Variants in ANKS1A observed in about 807,000 individuals in gnomAD.
ANKS1A encodes the protein ankyrin repeat and sterile alpha motif domain containing 1A, also known as ankyrin repeat and SAM domain-containing protein 1A.
Under a neutral mutation model 120.3 loss-of-function variants are expected in ANKS1A, and 55 were observed. The ratio of observed to expected loss-of-function variants is 0.46; its 90% CI spans 0.37 to 0.57. ANKS1A has a LOEUF of 0.57. ANKS1A is among the 20% of genes least tolerant of loss of function. ANKS1A has a pLI of 0.00. For missense variants in ANKS1A, 1,123 were observed against 1,480.3 expected, an observed-to-expected ratio of 0.76 and a Z score of 3.96; for synonymous variants, 590 against 604.7, an observed-to-expected ratio of 0.98 and a Z score of 0.36.
Position 34,941,056 on chromosome 6 carries a change from T to C in ANKS1A, c.198-26183T>C, listed in dbSNP as rs531849582. ...CAGGCTGGAGTGCAGTGGTGCCATCTTGGCTCACTGCAACTCCACCTCCCG... is the reference window on the plus strand; with the variant it reads ...CAGGCTGGAGTGCAGTGGTGCCATCCTGGCTCACTGCAACTCCACCTCCCG... On this transcript the variant is annotated intron_variant, in intron 1 of 23. Transcript: ENST00000360359. Among the ~76,000 whole-genome samples the C allele has an allele frequency of 2.8e-4, 42 of 152,260 alleles. No homozygotes were observed. The East Asian group carries it at 7.9e-3, about 29-fold the overall frequency.
intron 1 of ANKS1A, among the ~76,000 whole-genome samples, chr6:34,923,678 T>C (rs1169310199): frequency 2.0e-5 from 3 of 152,196 alleles, no homozygotes; most frequent in Non-Finnish European, 2.9e-5. Flanking sequence ...AGCTATATCA[T>C]AGATATGATT....
intron 11 of ANKS1A, among the ~76,000 whole-genome samples, chr6:35,040,045 A>C: frequency 6.6e-6 from 1 of 152,144 alleles, no homozygotes; most frequent in East Asian, 1.9e-4. Context: ...ATTACCTCTC[A>C]AAGGCCCCAT....
intron 11 of ANKS1A, among the ~76,000 whole-genome samples, chr6:35,033,388 A>G (rs1774999243): frequency 6.6e-6 from 1 of 152,206 alleles, no homozygotes; most frequent in South Asian, 2.1e-4. Context: ...TAGAGCAGAG[A>G]GTTCACATCT....
chr6:35,043,859 T>G (rs1775593092), intron 11 of ANKS1A, among the ~76,000 whole-genome samples: 2 of 152,188 alleles, frequency 1.3e-5, no homozygotes, highest in Admixed American at 6.5e-5. Context: ...TTCTTAAAAG[T>G]AAAGCCAGAA....
At chr6:34,975,404 A>G (rs935315747) in intron 3 of ANKS1A, among the ~76,000 whole-genome samples, 2 of 151,498 alleles carry the variant, frequency 1.3e-5, no homozygotes, top group African/African-American at 4.9e-5. Context: ...CAGTGAGCTG[A>G]GATTGTGCCA....
intron 11 of ANKS1A, among the ~76,000 whole-genome samples, chr6:35,028,091 G>C (rs1774720394): frequency 6.6e-6 from 1 of 152,234 alleles, no homozygotes; most frequent in Non-Finnish European, 1.5e-5. Flanking sequence ...CAGGCAAGAA[G>C]CCATTGTAAA....
intron 11 of ANKS1A, among the ~76,000 whole-genome samples, chr6:35,030,546 T>C (rs1455839735): frequency 6.6e-5 from 10 of 152,218 alleles, no homozygotes; most frequent in Non-Finnish European, 1.0e-4. Flanking sequence ...CGTACTTGAC[T>C]GGTTTAAAAA....
chr6:34,940,209 C>T (rs903378607), intron 1 of ANKS1A, among the ~76,000 whole-genome samples: 23 of 152,156 alleles, frequency 1.5e-4, no homozygotes, highest in African/African-American at 4.3e-4. Flanking sequence ...CTGGTAAATT[C>T]GGAAGATAAA....
intron 11 of ANKS1A, among the ~76,000 whole-genome samples, chr6:35,030,454 AG>A (rs1428473747): frequency 6.6e-6 from 1 of 152,238 alleles, no homozygotes; most frequent in African/African-American, 2.4e-5. Context: ...GGAATTTGGA[AG>A]GAATCCTAGT....
At chr6:35,077,488 C>G (rs1777429378) in intron 13 of ANKS1A, among the ~76,000 whole-genome samples, 1 of 152,208 alleles carries the variant, frequency 6.6e-6, no homozygotes. Flanking sequence ...CAGGCACAGG[C>G]CTGTCTGTGC....
chr6:35,015,235 C>T (rs986180152), intron 10 of ANKS1A, among the ~76,000 whole-genome samples: 3 of 152,040 alleles, frequency 2.0e-5, no homozygotes, highest in South Asian at 4.1e-4. Context: ...CAGTGGCTCA[C>T]GCCTATAATC....
Position 35,090,635 on chromosome 6 carries a change from T to C in ANKS1A, c.*2026T>C, listed in dbSNP as rs1427891878. ...GAAAGGAAAATGACTGGGCCTTTCT[T>C]TCTTTTCTTCTCCTCTGGGATGGGT... On this transcript the variant is annotated 3_prime_UTR_variant, in exon 24 of 24. Transcript: ENST00000360359. The C allele has an allele frequency of 1.0e-6, 1 of 991,422 alleles. No homozygotes were observed. Among genetic ancestry groups the C allele is most frequent in the African/African-American group, 1.7e-5 (1 of 57,288 alleles). 61.4% of individuals were successfully genotyped at this position (991,422 alleles called of 1,614,324 possible). A position where few individuals can be genotyped will look rare whatever the true frequency, so the allele number is the denominator to read the frequency against.
intron 1 of ANKS1A, among the ~76,000 whole-genome samples, chr6:34,959,239 G>A (rs1364226742): frequency 6.6e-6 from 1 of 152,182 alleles, no homozygotes; most frequent in Non-Finnish European, 1.5e-5. Flanking sequence ...CAGTGTTCTT[G>A]TATGTCCCAT....
At chr6:34,975,782 C>T (rs1351364021) in intron 3 of ANKS1A, among the ~76,000 whole-genome samples, 3 of 151,708 alleles carry the variant, frequency 2.0e-5, no homozygotes, top group African/African-American at 7.3e-5. Flanking sequence ...ATAATAGAAA[C>T]AGAGAGGTAA....
At chr6:35,092,690 T>A (rs1247204875), downstream of ANKS1A, among the ~76,000 whole-genome samples, 1 of 152,238 alleles carries the variant, frequency 6.6e-6, no homozygotes, top group Non-Finnish European at 1.5e-5. Flanking sequence ...CCAGGACACA[T>A]AGCTGCTATC....
At chr6:34,897,185 T>C (rs966580595) in intron 1 of ANKS1A, among the ~76,000 whole-genome samples, 3 of 152,144 alleles carry the variant, frequency 2.0e-5, no homozygotes, top group Non-Finnish European at 4.4e-5. Flanking sequence ...TTTTACTTTC[T>C]TAGTTGCAAA....
In ANKS1A at chr6:35,057,838, C is replaced by T. The variant is rs1330526900; in HGVS notation, c.2078-2309C>T. Among the ~76,000 whole-genome samples, 1 of 152,202 alleles carries T rather than the reference C, an allele frequency of 6.6e-6. No homozygotes were observed. The highest frequency in any genetic ancestry group is 2.4e-5 in the African/African-American group (1 of 41,434). Reference sequence around the variant, plus strand: ...AAGTGGCAAGTAGGGGGGTCACTTACCTGTGGGCTATGCCCTTTGGGTCTG... The same window carrying T: ...AAGTGGCAAGTAGGGGGGTCACTTATCTGTGGGCTATGCCCTTTGGGTCTG... On this transcript the variant is annotated intron_variant, in intron 12 of 23. Transcript: ENST00000360359. This position sits in a 1 kb window ranked among gnomAD's most constrained non-coding sequence, Gnocchi z 4.1.
At chr6:34,963,520 A>G (rs374211914) in intron 1 of ANKS1A, among the ~76,000 whole-genome samples, 2 of 152,212 alleles carry the variant, frequency 1.3e-5, no homozygotes, top group African/African-American at 4.8e-5. Context: ...TCATTTGTCC[A>G]TTGATGGACA....
intron 11 of ANKS1A, chr6:35,023,434 A>G: frequency 5.0e-6 from 1 of 198,476 alleles, no homozygotes. Context: ...TTGCAAATGA[A>G]CTGAAAGGCT....
Sources: allele counts gnomAD v4.1 joint callset (sites outside exome capture counted in the v4.1 genomes callset), GRCh38; gene constraint gnomAD v4.1.1; non-coding constraint Gnocchi (gnomAD v3.1); transcripts MANE v1.5; gene names NCBI Gene and HGNC (gene_info 2026-07-23, HGNC 2026-07-21).